PLPPR1: variants seen among roughly 807,000 people sequenced by gnomAD.
PLPPR1 encodes the protein phospholipid phosphatase related 1.
PLPPR1 carries 10 observed loss-of-function variants against 33.1 expected under a neutral mutation model. That is an observed-to-expected ratio of 0.30 (90% confidence interval 0.19 to 0.51). The LOEUF is 0.51. Among genes scored for constraint, PLPPR1 ranks in the 20% least tolerant of loss-of-function variants. The pLI, the probability that PLPPR1 is intolerant of heterozygous loss-of-function variation, is 0.97. For missense variants in PLPPR1, 304 were observed against 408.1 expected, an observed-to-expected ratio of 0.74 and a Z score of 2.20; for synonymous variants, 151 against 151.0, an observed-to-expected ratio of 1.00 and a Z score of 0.00.
chr9:101,244,651 TATAATTTGGAG>T lies in PLPPR1; in HGVS notation c.64-25223_64-25213del, dbSNP rs548918072. On this transcript the variant is annotated intron_variant, in intron 2 of 7. Transcript: ENST00000374874. ...TAGGTTATTTGCACATATAAGTCTC[TATAATTTGGAG>T]ATAATCTTTTTTCTAGGTTGACATA... is the stretch of plus-strand genomic sequence containing the variant. Among the ~76,000 whole-genome samples, 8 of 152,124 alleles carry T rather than the reference TATAATTTGGAG, an allele frequency of 5.3e-5. No homozygotes were observed. The East Asian group carries it at 1.6e-3, about 29-fold the overall frequency.
intron 4 of PLPPR1, among the ~76,000 whole-genome samples, chr9:101,292,715 G>C (rs1828537746): frequency 6.6e-6 from 1 of 151,760 alleles, no homozygotes; most frequent in Non-Finnish European, 1.5e-5. Context: ...AGCTTCATAA[G>C]TGAAGGAGAA....
intron 1 of PLPPR1, chr9:101,185,178 G>A (rs144453248): frequency 3.1e-5 from 9 of 290,264 alleles, no homozygotes; most frequent in African/African-American, 1.7e-4. Context: ...TGCAGTACTA[G>A]GCAATTAGAA....
intron 1 of PLPPR1, among the ~76,000 whole-genome samples, chr9:101,107,860 T>G (rs896002647): frequency 6.6e-6 from 1 of 150,774 alleles, no homozygotes; most frequent in African/African-American, 2.5e-5. Context: ...GGTGCGCCGT[T>G]TTTTAAGCCG....
rs570295220 is a variant in PLPPR1, at chr9:101,094,158, T to C, written c.-46+65056T>C. ...CTAAAAGACAAATCAACTCAAGCCA[T>C]TCTCTTTCTTAAAGACCTTCAGTGG... On this transcript the variant is annotated intron_variant, in intron 1 of 7. Transcript: ENST00000374874. Among the ~76,000 whole-genome samples the C allele has an allele frequency of 1.2e-4, 19 of 152,286 alleles. No individual in the cohort carries two copies. The South Asian group carries it at 3.9e-3, about 32-fold the overall frequency.
intron 1 of PLPPR1, among the ~76,000 whole-genome samples, chr9:101,123,409 T>C (rs1831200440): frequency 1.3e-5 from 2 of 152,002 alleles, no homozygotes; most frequent in South Asian, 4.1e-4. Flanking sequence ...GCTCACAGGA[T>C]AGTAGGGAGC....
chr9:101,180,636 A>T (rs1165136285), intron 1 of PLPPR1, among the ~76,000 whole-genome samples: 1 of 151,808 alleles, frequency 6.6e-6, no homozygotes, highest in East Asian at 1.9e-4. Context: ...GCACTAGTGG[A>T]GAAAGAATAG....
intron 2 of PLPPR1, among the ~76,000 whole-genome samples, chr9:101,232,477 CT>C (rs999990705): frequency 2.2e-3 from 320 of 142,852 alleles, no homozygotes; most frequent in African/African-American, 6.1e-3. Context: ...TCTTCCTCCT[CT>C]TTTTTTTTTT....
intron 1 of PLPPR1, among the ~76,000 whole-genome samples, chr9:101,071,912 A>G (rs72741410): frequency 2.0e-4 from 30 of 152,302 alleles, no homozygotes; most frequent in African/African-American, 6.7e-4. Context: ...AGGAATTTCA[A>G]CTGTGAGATT....
intron 4 of PLPPR1, 36 bp downstream of exon 4, chr9:101,286,272 T>C (rs1216838366): frequency 6.4e-7 from 1 of 1,556,508 alleles, no homozygotes; most frequent in African/African-American, 1.4e-5. Flanking sequence ...AGCTCTCACA[T>C]AAAAGTAAAA....
chr9:101,213,772 G>GA (rs1300663170), intron 2 of PLPPR1, among the ~76,000 whole-genome samples: 5 of 151,948 alleles, frequency 3.3e-5, no homozygotes, highest in Non-Finnish European at 7.4e-5. Flanking sequence ...AATACACTGT[G>GA]AAAAAAACAG....
At chr9:101,204,935 G>C (rs184566444) in intron 2 of PLPPR1, among the ~76,000 whole-genome samples, 3 of 152,090 alleles carry the variant, frequency 2.0e-5, no homozygotes, top group East Asian at 1.9e-4. Context: ...TGGACGGGGA[G>C]GGGGAGGGAA....
chr9:101,115,843 T>C (rs1378256186), intron 1 of PLPPR1, among the ~76,000 whole-genome samples: 3 of 152,210 alleles, frequency 2.0e-5, no homozygotes, highest in East Asian at 3.9e-4. Flanking sequence ...TCTCATAGAA[T>C]TCCCTCAGAT....
At chr9:101,305,223 G>C (rs7874930) in intron 4 of PLPPR1, among the ~76,000 whole-genome samples, 2 of 152,126 alleles carry the variant, frequency 1.3e-5, no homozygotes, top group South Asian at 4.2e-4. Flanking sequence ...GTGTGTGCGT[G>C]CATGTGTGCA....
rs143773885 is a variant in PLPPR1, at chr9:101,210,078, A to C, written c.63+24521A>C. Among the ~76,000 whole-genome samples the C allele has an allele frequency of 1.0e-3, 152 of 152,292 alleles. 1 individual carries two copies. The highest frequency in any genetic ancestry group is 3.5e-3 in the African/African-American group (147 of 41,566). On this transcript the variant is annotated intron_variant, in intron 2 of 7. Coordinates refer to ENST00000374874, the MANE Select transcript of PLPPR1 (RefSeq NM_207299.2). ...AATTATAAAACCAAATGTTACATAC[A>C]TTTTTTTATGTCCTGATAATTGCTT...
At chr9:101,168,840 T>G (rs1027914393) in intron 1 of PLPPR1, among the ~76,000 whole-genome samples, 5 of 152,208 alleles carry the variant, frequency 3.3e-5, no homozygotes, top group African/African-American at 1.2e-4. Flanking sequence ...AAGTTCATCT[T>G]AAGCCTTATG....
chr9:101,138,123 G>T (rs1243257715), intron 1 of PLPPR1, among the ~76,000 whole-genome samples: 2 of 152,170 alleles, frequency 1.3e-5, no homozygotes, highest in African/African-American at 4.8e-5. Flanking sequence ...GTACCATCTT[G>T]TCTGTCCTAG....
At chr9:101,044,033 A>G (rs2118426860) in intron 1 of PLPPR1, among the ~76,000 whole-genome samples, 1 of 152,350 alleles carries the variant, frequency 6.6e-6, no homozygotes, top group African/African-American at 2.4e-5. Flanking sequence ...TAAACTAAAG[A>G]GCTTTTGCAT....
At chr9:101,278,053 A>T (rs1341646755) in intron 3 of PLPPR1, among the ~76,000 whole-genome samples, 2 of 152,234 alleles carry the variant, frequency 1.3e-5, no homozygotes, top group African/African-American at 2.4e-5. Flanking sequence ...AAAAACTTTG[A>T]TATCACCCAG....
chr9:101,282,318 T>C (rs1402750382), intron 3 of PLPPR1, among the ~76,000 whole-genome samples: 2 of 129,756 alleles, frequency 1.5e-5, no homozygotes, highest in Non-Finnish European at 3.1e-5. Context: ...AAAAACTATA[T>C]ATTTCAATAA....
Sources: gnomAD v4.1 joint callset for allele counts (sites outside exome capture counted in the v4.1 genomes callset) on GRCh38, gnomAD v4.1.1 for gene constraint, MANE v1.5 for transcripts, NCBI Gene and HGNC (gene_info 2026-07-23, HGNC 2026-07-21) for gene names.